Variants in IGF2R observed in about 807,000 individuals in gnomAD.
IGF2R encodes the protein insulin like growth factor 2 receptor.
In IGF2R, 91 loss-of-function variants were observed where a neutral mutation model predicts 270.6. That is an observed-to-expected ratio of 0.34 (90% CI 0.28 to 0.40). The LOEUF (loss-of-function observed/expected upper bound fraction) is 0.40, where lower values mean the gene tolerates loss of function less well. IGF2R is among the 10% of genes least tolerant of loss of function. The probability of loss-of-function intolerance (pLI) is 1.00; values close to 1 mark genes in which losing one functional copy is unlikely to be tolerated. For synonymous variants in IGF2R, 1,316 were observed against 1,258.9 expected (o/e 1.05, Z -0.96); for missense variants, 2,805 against 3,188.3 (o/e 0.88, Z 2.90).
chr6:160,105,335 A>G lies in IGF2R; in HGVS notation c.*251A>G, dbSNP rs908074126. ...TACCTTGTGCCCAGGGTTTTGCCCC[A>G]AGTCCTCATTTAAAAGCATAAGGCC... On this transcript the variant is annotated 3_prime_UTR_variant, in exon 48 of 48. Transcript: ENST00000356956. The G allele has an allele frequency of 2.3e-6, 1 of 442,870 alleles. No homozygotes were observed. Among genetic ancestry groups the G allele is most frequent in the South Asian group, 4.4e-5 (1 of 22,622 alleles). The allele number at this position is 442,870 out of a possible 1,614,324, so 27.4% of individuals were successfully genotyped here. A position where few individuals can be genotyped will look rare whatever the true frequency, so the allele number is the denominator to read the frequency against.
intron 35 of IGF2R, among the ~76,000 whole-genome samples, chr6:160,074,607 A>C (rs1469081185): frequency 6.6e-6 from 1 of 152,218 alleles, no homozygotes; most frequent in African/African-American, 2.4e-5. Flanking sequence ...TTGGATCTTT[A>C]AAAATTGTCT....
At position 159,980,208 on chromosome 6, in the gene IGF2R, A is replaced by AAAGGAAGAAAGGAAGAAAGGAAGAAAGG. The variant is rs1562330505; in HGVS notation, c.149+10816_149+10817insGAAGAAAGGAAGAAAGGAAGAAAGGAAG. 2.4e-3 allele frequency among the ~76,000 whole-genome samples: 217 copies of AAAGGAAGAAAGGAAGAAAGGAAGAAAGG among 90,622 alleles called. 10 individuals carry two copies. The highest frequency in any genetic ancestry group is 9.0e-3 in the African/African-American group (197 of 21,950). The allele number at this position is 90,622 out of a possible 152,430, so 59.5% of individuals were successfully genotyped here. On this transcript the variant is annotated intron_variant, in intron 1 of 47. Coordinates refer to ENST00000356956, the MANE Select transcript of IGF2R (RefSeq NM_000876.4). ...AAAAGAAAGAAAGAAAGAAAGAAAGAAAGAAAGAAAGAAAGAAAGAAAGAA... is the reference window on the plus strand; with the variant it reads ...AAAAGAAAGAAAGAAAGAAAGAAAGAAAGGAAGAAAGGAAGAAAGGAAGAAAGGAAGAAAGAAAGAAAGAAAGAAAGAA...
chr6:160,055,429 A>G (rs1778290753), intron 19 of IGF2R, among the ~76,000 whole-genome samples: 1 of 152,156 alleles, frequency 6.6e-6, no homozygotes, highest in Non-Finnish European at 1.5e-5. Flanking sequence ...AGCACAGGAA[A>G]TACACTCACT....
At chr6:159,974,459 ATGAGTGT>A (rs978409729) in intron 1 of IGF2R, among the ~76,000 whole-genome samples, 84 of 152,298 alleles carry the variant, frequency 5.5e-4, no homozygotes, top group African/African-American at 1.8e-3. Flanking sequence ...TGTGTGAGGT[ATGAGTGT>A]TTTCTTTCAG....
intron 39 of IGF2R, among the ~76,000 whole-genome samples, chr6:160,080,588 C>T (rs1048730253): frequency 1.3e-5 from 2 of 152,254 alleles, no homozygotes; most frequent in East Asian, 1.9e-4. Context: ...GATTATGCCT[C>T]AGGAAAATGA....
In IGF2R at chr6:160,089,979, T is replaced by A. The variant is rs1255879767; in HGVS notation, c.6531T>A (p.Leu2177=). 1.2e-6 allele frequency: 2 copies of A among 1,607,428 alleles called. No homozygotes were observed. The highest frequency in any genetic ancestry group is 1.7e-6 in the Non-Finnish European group (2 of 1,177,060). The change falls in exon 44 of 48, where the codon CTT becomes CTA. Residue 2177 remains leucine, a synonymous_variant. Coordinates refer to ENST00000356956, the MANE Select transcript of IGF2R (RefSeq NM_000876.4). ...ACAACTACCTGTATGAGATCCAACT[T>A]TCCTCCATCACAAGCTCCAGAAACC... ...NGDNYLYEIQ[L]SSITSSRNPA...
intron 3 of IGF2R, among the ~76,000 whole-genome samples, chr6:160,010,185 G>A (rs888909412): frequency 1.3e-5 from 2 of 152,192 alleles, no homozygotes; most frequent in African/African-American, 4.8e-5. Flanking sequence ...GTCATCCTGC[G>A]ATGCTGGGGT....
rs372168736 is a variant in IGF2R at position 160,086,482 on chromosome 6, T to C, written c.6205+1351T>C. ...GTCTCAAGCAGCTGTGCTTAATATA[T>C]GTTTAATCCCCATCCACTCCATGGG... On this transcript the variant is annotated intron_variant, in intron 41 of 47. Transcript: ENST00000356956. Among the ~76,000 whole-genome samples, 95 of 152,294 alleles carry C rather than the reference T, an allele frequency of 6.2e-4. 1 individual carries two copies. The South Asian group carries it at 0.018, about 29-fold the overall frequency.
Position 160,085,090 on chromosome 6 carries a change from A to G in IGF2R, c.6164A>G (p.Gln2055Arg). Reference protein sequence around the residue: ...ICRRTTTGDVQVLGLVHTQKL... With the variant: ...ICRRTTTGDVRVLGLVHTQKL... ...AGAAGGACCACAACTGGTGACGTCC[A>G]GGTCCTGGGACTCGTTCACACGCAG... Residue 2055 changes from glutamine to arginine, a missense_variant, in exon 41 of 48, where the codon CAG becomes CGG. Physicochemically the swap from Gln to Arg is conservative, Grantham distance 43. Transcript: ENST00000356956. The G allele has an allele frequency of 6.2e-7, 1 of 1,614,050 alleles. No homozygotes were observed. The highest frequency in any genetic ancestry group is 8.5e-7 in the Non-Finnish European group (1 of 1,179,974).
In IGF2R at chr6:160,102,689, C is replaced by T. The variant is rs149430423; in HGVS notation, c.6995+18C>T. On this transcript the variant is annotated intron_variant, in intron 46 of 47. Transcript: ENST00000356956. The surrounding 1 kb of genome is among the most constrained non-coding windows in gnomAD (Gnocchi z 4.5). ...GAGAGGAGGTAAGCGGGTGGCAGGGCGAGGTGGGGCGGGTGGATGCATGCC... is the reference window on the plus strand; with the variant it reads ...GAGAGGAGGTAAGCGGGTGGCAGGGTGAGGTGGGGCGGGTGGATGCATGCC... The T allele has an allele frequency of 8.3e-4, 1,299 of 1,573,888 alleles. 15 individuals are homozygous for T. The African/African-American group carries it at 0.016, about 19-fold the overall frequency.
chr6:160,040,519 G>T, intron 10 of IGF2R, 41 bp from the exon 11 acceptor site: 1 of 1,584,524 alleles, frequency 6.3e-7, no homozygotes, highest in Non-Finnish European at 8.6e-7. Flanking sequence ...CTCAATTTTG[G>T]TCACGTATGG....
intron 1 of IGF2R, among the ~76,000 whole-genome samples, chr6:159,971,347 G>A (rs1482412013): frequency 1.3e-5 from 2 of 152,158 alleles, no homozygotes; most frequent in Admixed American, 6.5e-5. Context: ...GTATCTTTAC[G>A]TTTTTCTGGC....
rs73781834 is a variant in IGF2R at position 160,074,365 on chromosome 6, C to G, written c.5166+390C>G. Among the ~76,000 whole-genome samples the G allele has an allele frequency of 5.1e-3, 778 of 152,338 alleles. 5 individuals are homozygous for G. The highest frequency in any genetic ancestry group is 0.018 in the African/African-American group (736 of 41,580). Reference sequence around the variant, plus strand: ...AACGCTTGCGAAATGCAAACAGTTTCTTTGGCAAGGAGTTATAATTAAGGG... The same window carrying G: ...AACGCTTGCGAAATGCAAACAGTTTGTTTGGCAAGGAGTTATAATTAAGGG... On this transcript the variant is annotated intron_variant, in intron 35 of 47. Coordinates refer to ENST00000356956, the MANE Select transcript of IGF2R (RefSeq NM_000876.4).
In IGF2R at chr6:160,105,389, T is replaced by C. The variant is rs1242052554; in HGVS notation, c.*305T>C. 1 of 276,700 alleles carries C rather than the reference T, an allele frequency of 3.6e-6. No homozygotes were observed. Among genetic ancestry groups the C allele is most frequent in the East Asian group, 6.5e-5 (1 of 15,348 alleles). 17.1% of individuals were successfully genotyped at this position (276,700 alleles called of 1,614,324 possible). A position where few individuals can be genotyped will look rare whatever the true frequency, so the allele number is the denominator to read the frequency against. Reference sequence around the variant, plus strand: ...CGCATCTCAAAACAGAGGGCTGCATTCGAAGAAACCCTTGCTGCTTTAGTC... The same window carrying C: ...CGCATCTCAAAACAGAGGGCTGCATCCGAAGAAACCCTTGCTGCTTTAGTC... On this transcript the variant is annotated 3_prime_UTR_variant, in exon 48 of 48. Transcript: ENST00000356956.
At position 160,104,630 on chromosome 6, in the gene IGF2R, T is replaced by A. The variant is rs375262113; in HGVS notation, c.7066-44T>A. The A allele has an allele frequency of 3.2e-6, 5 of 1,568,320 alleles. No individual in the cohort carries two copies. In the African/African-American group the frequency reaches 5.4e-5, roughly 17 times the overall value. On this transcript the variant is annotated intron_variant, in intron 47 of 47. Coordinates refer to ENST00000356956, the MANE Select transcript of IGF2R (RefSeq NM_000876.4). Reference sequence around the variant, plus strand: ...TGGTGGATGGTGGAGCAGAATGGGGTCTCTTAGGGGGCTCACGTGGTCTCT... The same window carrying A: ...TGGTGGATGGTGGAGCAGAATGGGGACTCTTAGGGGGCTCACGTGGTCTCT...
chr6:160,022,039 C>CGT (rs1379104282), intron 4 of IGF2R, among the ~76,000 whole-genome samples: 1 of 152,040 alleles, frequency 6.6e-6, no homozygotes, highest in Non-Finnish European at 1.5e-5. Flanking sequence ...CACACACACA[C>CGT]ACGTCTATCA....
chr6:159,975,674 T>C (rs1386463257), intron 1 of IGF2R, among the ~76,000 whole-genome samples: 1 of 129,850 alleles, frequency 7.7e-6, no homozygotes, highest in African/African-American at 2.9e-5. Context: ...CATACATGTA[T>C]TATATATATT....
chr6:159,986,432 T>TGTGTG (rs1562333027), intron 1 of IGF2R, among the ~76,000 whole-genome samples: 25 of 49,996 alleles, frequency 5.0e-4, no homozygotes, highest in South Asian at 2.5e-3. Flanking sequence ...GTGTGTGTGT[T>TGTGTG]TTTTTTTTTT....
intron 14 of IGF2R, 131 bp downstream of exon 14, chr6:160,046,013 T>G (rs1778061211): frequency 2.8e-6 from 2 of 706,102 alleles, no homozygotes; most frequent in Non-Finnish European, 4.5e-6. Context: ...AACAAAATTC[T>G]GAACATCCGA....
Sources: allele counts gnomAD v4.1 joint callset (sites outside exome capture counted in the v4.1 genomes callset), GRCh38; gene constraint gnomAD v4.1.1; non-coding constraint Gnocchi (gnomAD v3.1); transcripts MANE v1.5; gene names NCBI Gene and HGNC (gene_info 2026-07-23, HGNC 2026-07-21).